AFF3: variants seen among roughly 807,000 people sequenced by gnomAD.
The protein encoded by AFF3 is ALF transcription elongation factor 3, also known as AF4/FMR2 family member 3.
In AFF3, 32 loss-of-function variants were observed where a neutral mutation model predicts 129.7. The ratio of observed to expected loss-of-function variants is 0.25; its 90% CI spans 0.19 to 0.33. The LOEUF is 0.33. AFF3 is among the 10% of genes least tolerant of loss of function. The pLI, the probability that AFF3 is intolerant of heterozygous loss-of-function variation, is 1.00. For synonymous variants in AFF3, 644 were observed against 635.4 expected (o/e 1.01, Z -0.20); for missense variants, 1,373 against 1,592.0 (o/e 0.86, Z 2.34).
chr2:100,036,969 T>C (rs1221246401), intron 4 of AFF3, among the ~76,000 whole-genome samples: 4 of 152,276 alleles, frequency 2.6e-5, no homozygotes, highest in East Asian at 3.9e-4. Flanking sequence ...GGAGGTCTCA[T>C]GCGCTCCTGG....
intron 4 of AFF3, among the ~76,000 whole-genome samples, chr2:100,028,859 G>A (rs1684257067): frequency 6.6e-6 from 1 of 152,170 alleles, no homozygotes; most frequent in South Asian, 2.1e-4. Flanking sequence ...AGCATGGGAG[G>A]TTCCTCAAAA....
At chr2:99,754,097 C>G (rs1681893873) in intron 8 of AFF3, among the ~76,000 whole-genome samples, 2 of 152,196 alleles carry the variant, frequency 1.3e-5, no homozygotes, top group South Asian at 4.1e-4. Context: ...AGTGGGTTTT[C>G]CATACCTTGG....
intron 1 of AFF3, among the ~76,000 whole-genome samples, chr2:100,130,069 C>G (rs1692362664): frequency 6.6e-6 from 1 of 152,124 alleles, no homozygotes; most frequent in African/African-American, 2.4e-5. Flanking sequence ...GAATCCCTGT[C>G]CTAAGGGAGG....
intron 3 of AFF3, 48 bp from the exon 4 acceptor site, chr2:100,104,566 G>T: frequency 1.9e-6 from 2 of 1,053,672 alleles, no homozygotes; most frequent in Non-Finnish European, 2.3e-6. Context: ...GCGCCAGAGC[G>T]GCCGCCGCCC....
Position 100,007,184 on chromosome 2 carries a change from C to T in AFF3, c.451G>A (p.Ala151Thr). The change falls in exon 6 of 25, where the codon GCT becomes ACT. Residue 151 changes from alanine to threonine, a missense_variant. Physicochemically the swap from Ala to Thr is moderately conservative, Grantham distance 58. This residue lies in a region of AFF3 where 255 missense variants were observed against 256.0 expected (regional missense o/e 1.00). Coordinates refer to ENST00000672756, the MANE Select transcript of AFF3 (RefSeq NM_001386135.1). ...TGGCCGTCAGAGGGTGGGTGCCCAGCCTTCTGCCAGCCCATAGTGCCTCTC... is the reference window on the plus strand; with the variant it reads ...TGGCCGTCAGAGGGTGGGTGCCCAGTCTTCTGCCAGCCCATAGTGCCTCTC... ...SKRGTMGWQK[A>T]GHPPSDGQQR... is the part of the protein sequence containing the mutation. 6.2e-7 allele frequency: 1 copy of T among 1,614,166 alleles called. No individual in the cohort carries two copies. The highest frequency in any genetic ancestry group is 8.5e-7 in the Non-Finnish European group (1 of 1,180,032).
At chr2:100,032,283 G>A (rs986919708) in intron 4 of AFF3, among the ~76,000 whole-genome samples, 1 of 152,104 alleles carries the variant, frequency 6.6e-6, no homozygotes, top group Non-Finnish European at 1.5e-5. Flanking sequence ...AAACAAATTA[G>A]CCAGGTGTGG....
intron 4 of AFF3, among the ~76,000 whole-genome samples, chr2:100,096,100 C>T (rs1690265561): frequency 6.6e-6 from 1 of 151,474 alleles, no homozygotes; most frequent in South Asian, 2.1e-4. Context: ...CCAACCCCAG[C>T]CCTCCCAAAG....
intron 7 of AFF3, among the ~76,000 whole-genome samples, chr2:99,924,875 TA>T (rs1696112171): frequency 6.7e-6 from 1 of 149,206 alleles, no homozygotes; most frequent in Non-Finnish European, 1.5e-5. Context: ...AATGATTTAT[TA>T]ATTTTTTTTT....
chr2:99,587,194 T>G lies in AFF3; in HGVS notation c.2551A>C (p.Asn851His). ...SSSRLATSTS[N>H]TLSANHCNMN... is the part of the protein sequence containing the mutation. Reference sequence around the variant, plus strand: ...TTGCAGTGGTTTGCAGACAAAGTATTACTGGTGGAGGTGGCCAGTCTTGAA... The same window carrying G: ...TTGCAGTGGTTTGCAGACAAAGTATGACTGGTGGAGGTGGCCAGTCTTGAA... Residue 851 changes from asparagine (N) to histidine (H), a missense_variant, in exon 16 of 25, where the codon AAT becomes CAT. Physicochemically the swap from Asn to His is moderately conservative, Grantham distance 68. Transcript: ENST00000672756. 1 of 1,614,180 alleles carries G rather than the reference T, an allele frequency of 6.2e-7. No individual in the cohort carries two copies. Among genetic ancestry groups the G allele is most frequent in the Non-Finnish European group, 8.5e-7 (1 of 1,180,020 alleles).
At chr2:99,864,807 A>C (rs970228794) in intron 7 of AFF3, among the ~76,000 whole-genome samples, 1 of 152,224 alleles carries the variant, frequency 6.6e-6, no homozygotes, top group African/African-American at 2.4e-5. Flanking sequence ...CACTGGGCAT[A>C]AAATAGTAAG....
At chr2:99,978,137 T>A (rs1679059457) in intron 7 of AFF3, among the ~76,000 whole-genome samples, 1 of 152,202 alleles carries the variant, frequency 6.6e-6, no homozygotes, top group African/African-American at 2.4e-5. Context: ...GGAGAATTCC[T>A]ATTAGGTTAA....
intron 7 of AFF3, among the ~76,000 whole-genome samples, chr2:99,942,491 G>A (rs571538923): frequency 1.5e-5 from 2 of 136,542 alleles, no homozygotes; most frequent in Non-Finnish European, 3.1e-5. Flanking sequence ...ACCAGAAAAG[G>A]CCTCAATGTA....
chr2:100,019,766 G>A (rs917244944), intron 4 of AFF3, among the ~76,000 whole-genome samples: 5 of 152,024 alleles, frequency 3.3e-5, no homozygotes, highest in South Asian at 2.1e-4. Flanking sequence ...GGTCAGATGC[G>A]CCTCAATTTC....
At chr2:99,554,622 C>A in intron 23 of AFF3, 61 bp downstream of exon 23, 1 of 1,612,590 alleles carries the variant, frequency 6.2e-7, no homozygotes, top group Non-Finnish European at 8.5e-7. Flanking sequence ...AAGCAAAGCG[C>A]AGTGGCCCAG....
At chr2:100,058,113 A>G (rs1464566688) in intron 4 of AFF3, among the ~76,000 whole-genome samples, 1 of 152,232 alleles carries the variant, frequency 6.6e-6, no homozygotes, top group Non-Finnish European at 1.5e-5. Context: ...ATCAACTACA[A>G]AAACAGTAAC....
At chr2:100,067,391 CAT>C (rs1316509499) in intron 4 of AFF3, among the ~76,000 whole-genome samples, 7 of 152,170 alleles carry the variant, frequency 4.6e-5, no homozygotes, top group Non-Finnish European at 7.3e-5. Flanking sequence ...TGAGTGTACA[CAT>C]GTGTGCACAC....
chr2:99,883,696 T>TCTTCC (rs1692896316), intron 7 of AFF3, among the ~76,000 whole-genome samples: 1 of 152,214 alleles, frequency 6.6e-6, no homozygotes, highest in South Asian at 2.1e-4. Flanking sequence ...GGGTGGCTTC[T>TCTTCC]CTTCCCTTCC....
chr2:99,795,269 T>C (rs1685481244), intron 8 of AFF3, among the ~76,000 whole-genome samples: 1 of 152,138 alleles, frequency 6.6e-6, no homozygotes. Context: ...TGGAGGCCAT[T>C]ATCTTAAGTG....
chr2:99,643,768 C>G (rs1157841844), intron 13 of AFF3, among the ~76,000 whole-genome samples: 1 of 152,230 alleles, frequency 6.6e-6, no homozygotes, highest in Non-Finnish European at 1.5e-5. Context: ...CATTTCTGAT[C>G]TGGCTTCTGG....
Sources: allele counts gnomAD v4.1 joint callset (sites outside exome capture counted in the v4.1 genomes callset), GRCh38; gene constraint gnomAD v4.1.1; regional missense constraint gnomAD v4.1.1; transcripts MANE v1.5; gene names NCBI Gene and HGNC (gene_info 2026-07-23, HGNC 2026-07-21).